The following CACNA2D3 variants were observed in gnomAD, a reference collection of about 807,000 sequenced individuals.
CACNA2D3 encodes voltage-dependent calcium channel subunit alpha-2/delta-3.
In CACNA2D3, 60 loss-of-function variants were observed where a neutral mutation model predicts 160.6. The observed-to-expected ratio is 0.37, with a 90% CI of 0.30 to 0.46. The LOEUF (loss-of-function observed/expected upper bound fraction) is 0.46. CACNA2D3 is among the 20% of genes least tolerant of loss of function. The pLI is 1.00. For missense variants in CACNA2D3, 1,205 were observed against 1,365.0 expected, an observed-to-expected ratio of 0.88 and a Z score of 1.85; for synonymous variants, 558 against 492.9, an observed-to-expected ratio of 1.13 and a Z score of -1.75.
At chr3:54,761,822 C>A (rs765213978) in intron 12 of CACNA2D3, among the ~76,000 whole-genome samples, 19 of 152,140 alleles carry the variant, frequency 1.2e-4, no homozygotes, top group Non-Finnish European at 2.5e-4. Flanking sequence ...CCACATGGTC[C>A]CAACCTGGTT....
intron 35 of CACNA2D3, among the ~76,000 whole-genome samples, chr3:55,067,750 G>T (rs2107229286): frequency 7.4e-6 from 1 of 134,924 alleles, no homozygotes; most frequent in South Asian, 2.4e-4. Context: ...CATACATAAA[G>T]ACAGAGCGAT....
intron 5 of CACNA2D3, among the ~76,000 whole-genome samples, chr3:54,559,991 G>T (rs1274322092): frequency 6.6e-6 from 1 of 152,112 alleles, no homozygotes; most frequent in Non-Finnish European, 1.5e-5. Flanking sequence ...ATCATTGATG[G>T]ACATTTAAGT....
chr3:54,441,958 A>C (rs1403965153), intron 4 of CACNA2D3, among the ~76,000 whole-genome samples: 6 of 152,136 alleles, frequency 3.9e-5, no homozygotes. Flanking sequence ...CCTTTGCTCA[A>C]ATATGCTTAA....
intron 13 of CACNA2D3, among the ~76,000 whole-genome samples, chr3:54,807,982 A>C (rs1467994859): frequency 7.0e-6 from 1 of 143,130 alleles, no homozygotes; most frequent in Non-Finnish European, 1.5e-5. Context: ...GCATATTCTC[A>C]CTCATAGGTG....
chr3:54,427,073 C>A (rs756064059), intron 4 of CACNA2D3, among the ~76,000 whole-genome samples: 5 of 151,760 alleles, frequency 3.3e-5, no homozygotes, highest in Non-Finnish European at 7.4e-5. Context: ...TTCTGCGTAC[C>A]CTTTCTGTGT....
chr3:54,680,584 A>G (rs557355832), intron 11 of CACNA2D3, among the ~76,000 whole-genome samples: 1 of 152,294 alleles, frequency 6.6e-6, no homozygotes, highest in East Asian at 1.9e-4. Context: ...ATATTTGCAA[A>G]GAGGAAAAAT....
chr3:54,259,002 C>T (rs1034487179), intron 2 of CACNA2D3, among the ~76,000 whole-genome samples: 3 of 152,224 alleles, frequency 2.0e-5, no homozygotes, highest in Non-Finnish European at 4.4e-5. Context: ...AATTTCCTAT[C>T]TCCCATTTTC....
intron 12 of CACNA2D3, among the ~76,000 whole-genome samples, chr3:54,763,693 ATATG>A (rs1242574207): frequency 7.9e-5 from 11 of 140,068 alleles, no homozygotes; most frequent in Admixed American, 2.9e-4. Flanking sequence ...ATGTGTGTAT[ATATG>A]TATATATGTA....
intron 25 of CACNA2D3, among the ~76,000 whole-genome samples, chr3:54,896,048 G>A (rs369338980): frequency 1.3e-5 from 2 of 152,340 alleles, no homozygotes; most frequent in South Asian, 2.1e-4. Context: ...ATGTGTTTCT[G>A]TGGATTCATG....
At chr3:54,710,561 A>G (rs1166648969) in intron 11 of CACNA2D3, among the ~76,000 whole-genome samples, 1 of 152,154 alleles carries the variant, frequency 6.6e-6, no homozygotes, top group Non-Finnish European at 1.5e-5. Context: ...TTCATATTCC[A>G]TTGTCCAGAA....
chr3:54,451,526 C>T (rs748509243), intron 4 of CACNA2D3, among the ~76,000 whole-genome samples: 60 of 152,192 alleles, frequency 3.9e-4, no homozygotes, highest in African/African-American at 8.7e-4. Flanking sequence ...ATCTCTATTC[C>T]GGGCTTCTCT....
At chr3:54,678,903 CTGAAT>C (rs1229378610) in intron 11 of CACNA2D3, among the ~76,000 whole-genome samples, 1 of 152,032 alleles carries the variant, frequency 6.6e-6, no homozygotes, top group Non-Finnish European at 1.5e-5. Flanking sequence ...AACGAACAGT[CTGAAT>C]TGGAATCCCA....
At chr3:54,165,892 C>G (rs140581950) in intron 2 of CACNA2D3, among the ~76,000 whole-genome samples, 114 of 152,246 alleles carry the variant, frequency 7.5e-4, no homozygotes, top group African/African-American at 2.6e-3. Flanking sequence ...ATATATGATA[C>G]CATGGGATGG....
intron 2 of CACNA2D3, among the ~76,000 whole-genome samples, chr3:54,319,236 A>T (rs867116463): frequency 2.0e-5 from 3 of 151,240 alleles, no homozygotes; most frequent in African/African-American, 4.9e-5. Flanking sequence ...GAGCCTCCCA[A>T]TTTACATTTT....
intron 2 of CACNA2D3, among the ~76,000 whole-genome samples, chr3:54,208,497 A>G (rs1701312573): frequency 6.6e-6 from 1 of 152,130 alleles, no homozygotes; most frequent in South Asian, 2.1e-4. Context: ...CACTTATGGT[A>G]TGGAATTGTC....
At chr3:54,957,635 T>A (rs968655790) in intron 27 of CACNA2D3, among the ~76,000 whole-genome samples, 7 of 152,078 alleles carry the variant, frequency 4.6e-5, no homozygotes, top group African/African-American at 1.7e-4. Flanking sequence ...GTGCTGTAAC[T>A]GGCCAGATTC....
chr3:54,373,330 G>T (rs1387343511), intron 3 of CACNA2D3, among the ~76,000 whole-genome samples: 1 of 152,140 alleles, frequency 6.6e-6, no homozygotes, highest in Non-Finnish European at 1.5e-5. Flanking sequence ...AAATAAGCCC[G>T]CTTGGTCTTA....
At chr3:54,444,279 C>G (rs1357256815) in intron 4 of CACNA2D3, among the ~76,000 whole-genome samples, 1 of 152,116 alleles carries the variant, frequency 6.6e-6, no homozygotes. Flanking sequence ...TTTCTAGCAT[C>G]TTCCTTACCA....
chr3:55,038,907 T>TATATAC (rs1553636480), intron 35 of CACNA2D3, among the ~76,000 whole-genome samples: 88 of 113,020 alleles, frequency 7.8e-4, no homozygotes, highest in African/African-American at 2.6e-3. Context: ...TATATATATA[T>TATATAC]ACACACACTG....
Sources: gnomAD v4.1 joint callset for allele counts (sites outside exome capture counted in the v4.1 genomes callset) on GRCh38, gnomAD v4.1.1 for gene constraint, MANE v1.5 for transcripts, NCBI Gene and HGNC (gene_info 2026-07-23, HGNC 2026-07-21) for gene names.